Variants in DNM3 observed in about 807,000 individuals in gnomAD.
The protein encoded by DNM3 is dynamin-3.
DNM3 carries 47 observed loss-of-function variants against 101.6 expected under a neutral mutation model. That is an observed-to-expected ratio of 0.46 (90% CI 0.37 to 0.59). DNM3 has a LOEUF of 0.59. Ranked by LOEUF, DNM3 falls within the 20% of genes least tolerant of loss-of-function variation. The probability of loss-of-function intolerance (pLI) is 0.00; values close to 1 mark genes in which losing one functional copy is unlikely to be tolerated. For missense variants in DNM3, 849 were observed against 1,085.7 expected, an observed-to-expected ratio of 0.78 and a Z score of 3.06; for synonymous variants, 385 against 387.9, an observed-to-expected ratio of 0.99 and a Z score of 0.09.
chr1:172,001,758 C>T (rs74976159), intron 4 of DNM3, among the ~76,000 whole-genome samples: 5,393 of 152,134 alleles, frequency 0.035, 152 homozygotes, highest in Non-Finnish European at 0.054. Context: ...GAATTAACTA[C>T]TCAGCTGGTG....
chr1:172,027,790 A>G (rs993482963), intron 4 of DNM3, among the ~76,000 whole-genome samples: 2 of 152,202 alleles, frequency 1.3e-5, no homozygotes, highest in African/African-American at 4.8e-5. Flanking sequence ...CTGATAAAAC[A>G]GACTTTAAGC....
intron 1 of DNM3, among the ~76,000 whole-genome samples, chr1:171,891,517 G>A (rs2125174979): frequency 6.6e-6 from 1 of 151,938 alleles, no homozygotes; most frequent in Admixed American, 6.6e-5. Flanking sequence ...GTTGTTTTTA[G>A]CCTGCTTGCC....
intron 1 of DNM3, among the ~76,000 whole-genome samples, chr1:171,861,213 C>A (rs1249535747): frequency 6.6e-6 from 1 of 152,034 alleles, no homozygotes; most frequent in African/African-American, 2.4e-5. Context: ...TATCAAAATT[C>A]CAGATGCCAT....
Position 172,269,790 on chromosome 1 carries a change from G to A in DNM3, c.1769+16108G>A, listed in dbSNP as rs182441390. Among the ~76,000 whole-genome samples the A allele has an allele frequency of 1.4e-3, 208 of 152,172 alleles. 1 individual carries two copies. The highest frequency in any genetic ancestry group is 4.9e-3 in the African/African-American group (203 of 41,550). On this transcript the variant is annotated intron_variant, in intron 15 of 20. Transcript: ENST00000627582. ...GATTTTGTGAATTTGTGATAGCGTG[G>A]GGCCCCCAGGCTGAAGCCAGTAGTG...
chr1:172,341,955 A>T (rs1379943434), intron 17 of DNM3, among the ~76,000 whole-genome samples: 5 of 152,196 alleles, frequency 3.3e-5, no homozygotes, highest in African/African-American at 1.2e-4. Context: ...ACACACACAG[A>T]CACTTCTCAA....
chr1:171,921,899 A>G (rs1558269055), intron 2 of DNM3, 78 bp downstream of exon 2: 9 of 1,333,904 alleles, frequency 6.7e-6, no homozygotes, highest in East Asian at 2.5e-5. Flanking sequence ...GGGATTGTAC[A>G]AATAGAAACG....
At chr1:171,950,506 G>A (rs966083530) in intron 2 of DNM3, among the ~76,000 whole-genome samples, 1 of 152,070 alleles carries the variant, frequency 6.6e-6, no homozygotes, top group Non-Finnish European at 1.5e-5. Flanking sequence ...GGCTTGGTAG[G>A]TTCAGCATAT....
At chr1:172,070,401 C>T (rs2052068191) in intron 11 of DNM3, among the ~76,000 whole-genome samples, 1 of 152,126 alleles carries the variant, frequency 6.6e-6, no homozygotes, top group Non-Finnish European at 1.5e-5. Context: ...AATAAGCTAA[C>T]TGTTTTAATT....
intron 14 of DNM3, among the ~76,000 whole-genome samples, chr1:172,241,259 G>GTGTGTGTT (rs1194396392): frequency 6.6e-6 from 1 of 151,680 alleles, no homozygotes; most frequent in Non-Finnish European, 1.5e-5. Context: ...GTGTGTGTGT[G>GTGTGTGTT]TGTGTGCACG....
At chr1:171,986,800 T>C (rs1484751222) in intron 2 of DNM3, among the ~76,000 whole-genome samples, 1 of 152,160 alleles carries the variant, frequency 6.6e-6, no homozygotes, top group East Asian at 1.9e-4. Context: ...CATTGAGATA[T>C]TAGATAAACT....
chr1:172,214,689 C>T (rs1192113259), intron 14 of DNM3, among the ~76,000 whole-genome samples: 1 of 151,934 alleles, frequency 6.6e-6, no homozygotes, highest in Non-Finnish European at 1.5e-5. Flanking sequence ...TGGGAACAAG[C>T]TAGGATATAA....
chr1:172,239,168 C>T (rs2148641500), intron 14 of DNM3, among the ~76,000 whole-genome samples: 1 of 152,300 alleles, frequency 6.6e-6, no homozygotes, highest in East Asian at 1.9e-4. Flanking sequence ...AATAGGCTCT[C>T]ACTATTGTTT....
At chr1:172,189,782 T>G (rs964120876) in intron 14 of DNM3, among the ~76,000 whole-genome samples, 1 of 151,900 alleles carries the variant, frequency 6.6e-6, no homozygotes, top group African/African-American at 2.4e-5. Flanking sequence ...CTTACCACCA[T>G]GGCAGAAGGT....
At chr1:171,897,988 A>G (rs917523751) in intron 1 of DNM3, among the ~76,000 whole-genome samples, 1 of 151,668 alleles carries the variant, frequency 6.6e-6, no homozygotes, top group Non-Finnish European at 1.5e-5. Flanking sequence ...ACTCTTGTCT[A>G]TAACATTTTC....
At chr1:171,919,123 C>T (rs2039955744) in intron 1 of DNM3, among the ~76,000 whole-genome samples, 2 of 152,138 alleles carry the variant, frequency 1.3e-5, no homozygotes, top group Non-Finnish European at 2.9e-5. Flanking sequence ...AACAGATGCC[C>T]TCCAGCTCTT....
intron 1 of DNM3, among the ~76,000 whole-genome samples, chr1:171,905,115 T>C (rs1439414085): frequency 6.6e-6 from 1 of 152,240 alleles, no homozygotes; most frequent in Non-Finnish European, 1.5e-5. Flanking sequence ...AGATGTGACA[T>C]TTTTTGTTTC....
chr1:172,183,765 T>A (rs1279039127), intron 14 of DNM3, among the ~76,000 whole-genome samples: 1 of 108,968 alleles, frequency 9.2e-6, no homozygotes, highest in African/African-American at 3.7e-5. Flanking sequence ...CATGCCCAGC[T>A]AATTTTTTTT....
intron 20 of DNM3, among the ~76,000 whole-genome samples, chr1:172,397,450 G>A (rs2070104587): frequency 1.3e-5 from 2 of 152,288 alleles, no homozygotes; most frequent in South Asian, 4.1e-4. Flanking sequence ...TTAGGACTAA[G>A]ATGAATGGAC....
intron 2 of DNM3, among the ~76,000 whole-genome samples, chr1:171,969,667 CA>C (rs34421771): frequency 2.0e-5 from 3 of 151,778 alleles, no homozygotes; most frequent in Non-Finnish European, 1.5e-5. Context: ...TGTGCTTCAG[CA>C]AAAAAAGATT....
Sources: allele counts gnomAD v4.1 joint callset (sites outside exome capture counted in the v4.1 genomes callset), GRCh38; gene constraint gnomAD v4.1.1; transcripts MANE v1.5; gene names NCBI Gene and HGNC (gene_info 2026-07-23, HGNC 2026-07-21).